The following SH2B1 variants were observed in gnomAD, a reference collection of about 807,000 sequenced individuals.
The protein encoded by SH2B1 is SH2B adapter protein 1.
Under a neutral mutation model 62.6 loss-of-function variants are expected in SH2B1, and 15 were observed. The ratio of observed to expected loss-of-function variants is 0.24; its 90% CI spans 0.16 to 0.37. The LOEUF (loss-of-function observed/expected upper bound fraction) is 0.37. Ranked by LOEUF, SH2B1 falls within the 10% of genes least tolerant of loss-of-function variation. The pLI is 1.00. For synonymous variants in SH2B1, 443 were observed against 438.0 expected, an observed-to-expected ratio of 1.01 and a Z score of -0.14; for missense variants, 925 against 1,015.6, an observed-to-expected ratio of 0.91 and a Z score of 1.21.
chr16:28,870,775 C>T (rs923005890), intron 4 of SH2B1, among the ~76,000 whole-genome samples: 4 of 152,058 alleles, frequency 2.6e-5, no homozygotes, highest in African/African-American at 7.2e-5. Context: ...CCTTGACCTC[C>T]CTGGCTCAAG....
At chr16:28,849,591 T>TA (rs996293234) in intron 1 of SH2B1, among the ~76,000 whole-genome samples, 3 of 152,104 alleles carry the variant, frequency 2.0e-5, no homozygotes, top group Non-Finnish European at 4.4e-5. Context: ...ATCAAGTTTT[T>TA]AAAAAAACAG....
At chr16:28,867,200 C>A (rs1024066178) in intron 1 of SH2B1, 131 bp from the exon 2 acceptor site, 18 of 1,221,454 alleles carry the variant, frequency 1.5e-5, no homozygotes, top group Non-Finnish European at 1.9e-5. Context: ...GCGGGCAGGA[C>A]TGAGAAAGCA....
rs1472370939 is a variant in SH2B1 at position 28,871,772 on chromosome 16, T to A, written c.1310-8T>A. ...TTGGGTTCTCAGCTTTGCCCTTTTTTTTTCCAGGGGCATATGGGGGCCTCT... is the reference window on the plus strand; with the variant it reads ...TTGGGTTCTCAGCTTTGCCCTTTTTATTTCCAGGGGCATATGGGGGCCTCT... On this transcript the variant is annotated splice_polypyrimidine_tract_variant and splice_region_variant and intron_variant, in intron 4 of 7. Coordinates refer to ENST00000684370, the MANE Select transcript of SH2B1 (RefSeq NM_001387430.1). The A allele has an allele frequency of 1.2e-6, 2 of 1,613,176 alleles. No homozygotes were observed.
At chr16:28,853,000 A>G (rs1290954390) in intron 1 of SH2B1, among the ~76,000 whole-genome samples, 1 of 87,608 alleles carries the variant, frequency 1.1e-5, no homozygotes, top group Non-Finnish European at 1.9e-5. Context: ...GTACATATAT[A>G]TGTACATATA....
chr16:28,864,011 C>T lies in SH2B1; in HGVS notation c.-2084C>T, dbSNP rs1567465066. On this transcript the variant is annotated 5_prime_UTR_variant, in exon 1 of 8. Coordinates refer to ENST00000684370, the MANE Select transcript of SH2B1 (RefSeq NM_001387430.1). ...CCCTCTCCGCGACCCGGCCCTGGCG[C>T]CCGAGAGGATTCCTGGGTGGGGGTG... 1.4e-6 allele frequency: 2 copies of T among 1,407,490 alleles called. No individual in the cohort carries two copies. Among genetic ancestry groups the T allele is most frequent in the Non-Finnish European group, 1.8e-6 (2 of 1,083,406 alleles). 87.2% of individuals were successfully genotyped at this position (1,407,490 alleles called of 1,614,324 possible). A position where few individuals can be genotyped will look rare whatever the true frequency, so the allele number is the denominator to read the frequency against.
At chr16:28,861,325 G>A (rs1596616329), upstream of SH2B1, among the ~76,000 whole-genome samples, 1 of 152,186 alleles carries the variant, frequency 6.6e-6, no homozygotes. Flanking sequence ...TAGAGGTGGG[G>A]TTTCACTATG....
chr16:28,852,839 TAC>T lies in SH2B1; in HGVS notation c.-301+6014_-301+6015del, dbSNP rs373822411. On this transcript the variant is annotated intron_variant, in intron 1 of 10. Coordinates refer to the SH2B1 transcript ENST00000322610. The stretch of plus-strand genomic sequence containing the variant: ...ATTTACATATATATTTATATATATA[TAC>T]ATATATATATTTTTATATATATTTA... Among the ~76,000 whole-genome samples, 234 of 71,234 alleles carry T rather than the reference TAC, an allele frequency of 3.3e-3. 53 individuals carry two copies. Among genetic ancestry groups the T allele is most frequent in the African/African-American group, 4.7e-3 (77 of 16,524 alleles). The allele number at this position is 71,234 out of a possible 152,430, so 46.7% of individuals were successfully genotyped here.
upstream of SH2B1, among the ~76,000 whole-genome samples, chr16:28,859,046 G>A (rs1236423061): frequency 4.0e-5 from 6 of 151,460 alleles, no homozygotes; most frequent in Admixed American, 6.6e-5. Context: ...GGTTCAAGCC[G>A]TTCTCATGCC....
rs950657069 is a variant in SH2B1, at chr16:28,865,700, G to C, written c.-395G>C. ...TGAATATTGGAGGATCCGATGTAGA[G>C]GGGGGGTGATCTGGAAAAGTTCCCT... On this transcript the variant is annotated 5_prime_UTR_variant, in exon 1 of 8. Transcript: ENST00000684370. The C allele has an allele frequency of 9.9e-7, 1 of 1,013,728 alleles. No individual in the cohort carries two copies. The highest frequency in any genetic ancestry group is 1.2e-6 in the Non-Finnish European group (1 of 849,430). 62.8% of individuals were successfully genotyped at this position (1,013,728 alleles called of 1,614,324 possible). A position where few individuals can be genotyped will look rare whatever the true frequency, so the allele number is the denominator to read the frequency against.
chr16:28,867,106 A>G, intron 1 of SH2B1, 73 bp downstream of exon 1: 1 of 1,584,796 alleles, frequency 6.3e-7, no homozygotes, highest in Non-Finnish European at 8.6e-7. Context: ...CCCTGCAGAT[A>G]AGCTCTGGGG....
intron 1 of SH2B1, among the ~76,000 whole-genome samples, chr16:28,854,109 T>C (rs555513484): frequency 6.6e-6 from 1 of 150,554 alleles, no homozygotes; most frequent in African/African-American, 2.4e-5. Flanking sequence ...CTGGGCAATG[T>C]AGTGAGACTC....
At chr16:28,869,861 T>C (rs1962938324) in intron 4 of SH2B1, among the ~76,000 whole-genome samples, 1 of 152,322 alleles carries the variant, frequency 6.6e-6, no homozygotes, top group East Asian at 1.9e-4. Context: ...TCCCAACTCA[T>C]ATTTCTAGAT....
Position 28,873,057 on chromosome 16 carries a change from G to C in SH2B1, c.1897+352G>C. On this transcript the variant is annotated intron_variant, in intron 7 of 7. Coordinates refer to ENST00000684370, the MANE Select transcript of SH2B1 (RefSeq NM_001387430.1). This position sits in a 1 kb window ranked among gnomAD's most constrained non-coding sequence, Gnocchi z 4.2. Reference sequence around the variant, plus strand: ...TGGCCTTGGGCCTGCCCTTCCCGGGGACACTCGGTCTGATCCCCTTCCCTC... The same window carrying C: ...TGGCCTTGGGCCTGCCCTTCCCGGGCACACTCGGTCTGATCCCCTTCCCTC... 1.3e-6 allele frequency: 1 copy of C among 768,952 alleles called. No homozygotes were observed. The highest frequency in any genetic ancestry group is 2.1e-6 in the Non-Finnish European group (1 of 486,704). 47.6% of individuals were successfully genotyped at this position (768,952 alleles called of 1,614,324 possible). A position where few individuals can be genotyped will look rare whatever the true frequency, so the allele number is the denominator to read the frequency against.
At chr16:28,855,000 TG>T (rs778258426) in intron 1 of SH2B1, among the ~76,000 whole-genome samples, 11 of 148,146 alleles carry the variant, frequency 7.4e-5, no homozygotes, top group Non-Finnish European at 1.2e-4. Context: ...CTCAGCCTCC[TG>T]AGTAGCTAGG....
intron 4 of SH2B1, among the ~76,000 whole-genome samples, chr16:28,871,553 T>C (rs966363436): frequency 6.6e-6 from 1 of 152,222 alleles, no homozygotes; most frequent in African/African-American, 2.4e-5. Flanking sequence ...TGGAGACACA[T>C]TGGGACTTTA....
intron 1 of SH2B1, among the ~76,000 whole-genome samples, chr16:28,850,719 A>C (rs1413532926): frequency 6.6e-6 from 1 of 150,952 alleles, no homozygotes; most frequent in Non-Finnish European, 1.5e-5. Flanking sequence ...ATTAGCCAGG[A>C]GTGGTGGCAC....
chr16:28,848,791 C>T (rs1197814505), intron 1 of SH2B1, among the ~76,000 whole-genome samples: 13 of 151,742 alleles, frequency 8.6e-5, no homozygotes, highest in Admixed American at 8.5e-4. Flanking sequence ...CCTGCCTCAG[C>T]CTCCCGAGTA....
intron 1 of SH2B1, among the ~76,000 whole-genome samples, chr16:28,855,914 G>A (rs1416990144): frequency 6.9e-5 from 10 of 144,586 alleles, no homozygotes; most frequent in Admixed American, 2.9e-4. Context: ...CTCGTGATCC[G>A]CCTGCCTCGG....
chr16:28,859,032 C>T (rs1265602907), upstream of SH2B1, among the ~76,000 whole-genome samples: 1 of 151,972 alleles, frequency 6.6e-6, no homozygotes, highest in Non-Finnish European at 1.5e-5. Flanking sequence ...ACCTCTGCCT[C>T]CCTGGTTCAA....
Sources: gnomAD v4.1 joint callset for allele counts (sites outside exome capture counted in the v4.1 genomes callset) on GRCh38, gnomAD v4.1.1 for gene constraint, Gnocchi (gnomAD v3.1) non-coding constraint, MANE v1.5 for transcripts, NCBI Gene and HGNC (gene_info 2026-07-23, HGNC 2026-07-21) for gene names.